Variants in KGD4 observed in about 807,000 individuals in gnomAD.
The protein encoded by KGD4 is alpha-ketoglutarate dehydrogenase component 4.
At chr5:69,223,022 C>T in the KGD4 span, among the ~76,000 whole-genome samples, 34 of 145,418 alleles carry the variant, frequency 2.3e-4, no homozygotes, top group East Asian at 2.0e-4. Context: ...ATGATCCACC[C>T]GCCTTGGCCT....
At chr5:69,221,551 T>C in the KGD4 span, among the ~76,000 whole-genome samples, 2 of 152,200 alleles carry the variant, frequency 1.3e-5, no homozygotes, top group African/African-American at 4.8e-5. Context: ...CTTTTCAACA[T>C]GGTGCTGAAA....
chr5:69,225,296 G>T, the KGD4 span, among the ~76,000 whole-genome samples: 1 of 128,924 alleles, frequency 7.8e-6, no homozygotes, highest in Non-Finnish European at 1.6e-5. Context: ...ACGGAGTCTC[G>T]CTCTGTGGTC....
At chr5:69,222,462 G>A in the KGD4 span, among the ~76,000 whole-genome samples, 1,597 of 152,330 alleles carry the variant, frequency 0.01, 15 homozygotes, top group Non-Finnish European at 0.016. Context: ...GACAGTAGGG[G>A]AGAAAGGCTG....
the KGD4 span, chr5:69,229,914 T>G: frequency 8.6e-5 from 13 of 152,004 alleles, no homozygotes; most frequent in East Asian, 2.3e-3. Flanking sequence ...AATTGCAATT[T>G]ATTATGTTTT....
the KGD4 span, among the ~76,000 whole-genome samples, chr5:69,224,322 C>T: frequency 6.6e-6 from 1 of 150,726 alleles, no homozygotes; most frequent in Non-Finnish European, 1.5e-5. Context: ...ACCTGGGAGG[C>T]GGAGGTTGCA....
chr5:69,228,374 T>C, the KGD4 span: 1 of 1,599,214 alleles, frequency 6.3e-7, no homozygotes, highest in South Asian at 1.2e-5. Flanking sequence ...CAAGAAGAAA[T>C]GGAATTTATC....
the KGD4 span, chr5:69,226,262 A>G: frequency 2.0e-6 from 2 of 993,330 alleles, no homozygotes; most frequent in Non-Finnish European, 3.1e-6. Flanking sequence ...TAACAAACGT[A>G]TCTACTTATG....
At chr5:69,218,109 C>G in the KGD4 span, 871 of 618,922 alleles carry the variant, frequency 1.4e-3, 3 homozygotes, top group Non-Finnish European at 2.0e-3. Context: ...AGCATCTTGG[C>G]AGGTAGGTCC....
the KGD4 span, chr5:69,218,087 C>A: frequency 1.5e-6 from 1 of 673,976 alleles, no homozygotes; most frequent in Non-Finnish European, 2.5e-6. Context: ...TCGAGCCTTG[C>A]GGCAACCGTG....
the KGD4 span, among the ~76,000 whole-genome samples, chr5:69,218,806 G>T: frequency 6.6e-6 from 1 of 152,104 alleles, no homozygotes; most frequent in Non-Finnish European, 1.5e-5. Flanking sequence ...TCCTGAAATT[G>T]TTGTCTGAAT....
chr5:69,225,994 A>T, the KGD4 span, among the ~76,000 whole-genome samples: 1 of 152,182 alleles, frequency 6.6e-6, no homozygotes, highest in Admixed American at 6.5e-5. Flanking sequence ...GCCTCCCAAA[A>T]TGTTGGGATT....
At chr5:69,220,239 CAAA>C in the KGD4 span, among the ~76,000 whole-genome samples, 1 of 149,334 alleles carries the variant, frequency 6.7e-6, no homozygotes, top group African/African-American at 2.5e-5. Flanking sequence ...AAAAAAAAAA[CAAA>C]AAAACATAGA....
the KGD4 span, chr5:69,228,398 G>A: frequency 6.3e-7 from 1 of 1,588,332 alleles, no homozygotes; most frequent in South Asian, 1.2e-5. Flanking sequence ...GTATGTCGTT[G>A]CTCTTTATCC....
At chr5:69,228,179 CTTT>C in the KGD4 span, 4 of 1,373,610 alleles carry the variant, frequency 2.9e-6, no homozygotes, top group Admixed American at 2.6e-5. Flanking sequence ...CTAATAAGGT[CTTT>C]TTTTTTTTTA....
At chr5:69,218,470 A>ATATGTGTGTGTGTGTG in the KGD4 span, among the ~76,000 whole-genome samples, 7 of 148,524 alleles carry the variant, frequency 4.7e-5, no homozygotes, top group African/African-American at 1.7e-4. Flanking sequence ...GTGTATATTA[A>ATATGTGTGTGTGTGTG]TGTGTGTGTG....
At chr5:69,227,314 G>A in the KGD4 span, among the ~76,000 whole-genome samples, 1 of 152,060 alleles carries the variant, frequency 6.6e-6, no homozygotes, top group Non-Finnish European at 1.5e-5. Context: ...GCAGAGACTG[G>A]GAAAATAATA....
chr5:69,229,720 C>T, the KGD4 span: 1 of 153,386 alleles, frequency 6.5e-6, no homozygotes, highest in African/African-American at 2.4e-5. Flanking sequence ...CACAAGTTTA[C>T]TGGAGTATAA....
the KGD4 span, chr5:69,228,525 G>C: frequency 1.3e-6 from 1 of 774,994 alleles, no homozygotes; most frequent in Non-Finnish European, 2.1e-6. Context: ...TGGTCAGGTA[G>C]GCCAAGACTA....
At chr5:69,222,222 A>C in the KGD4 span, among the ~76,000 whole-genome samples, 1 of 152,054 alleles carries the variant, frequency 6.6e-6, no homozygotes, top group Non-Finnish European at 1.5e-5. Flanking sequence ...CTCTGAAAAC[A>C]TAAGGAGAGT....
Sources: gnomAD v4.1 joint callset for allele counts (sites outside exome capture counted in the v4.1 genomes callset) on GRCh38, gnomAD v4.1.1 for gene constraint, MANE v1.5 for transcripts, NCBI Gene and HGNC (gene_info 2026-07-23, HGNC 2026-07-21) for gene names.